The following ZNG1C variants were observed in gnomAD, a reference collection of about 807,000 sequenced individuals.
ZNG1C encodes the protein Zn regulated GTPase metalloprotein activator 1C, also known as zinc-regulated GTPase metalloprotein activator 1C.
the ZNG1C span, among the ~76,000 whole-genome samples, chr9:68,291,698 T>C: frequency 7.4e-5 from 11 of 148,290 alleles, no homozygotes; most frequent in Admixed American, 1.4e-4. Flanking sequence ...AGTCTGCTTG[T>C]ACTTCTCTTA....
At chr9:68,247,534 A>G in the ZNG1C span, 8 of 1,490,314 alleles carry the variant, frequency 5.4e-6, no homozygotes, top group African/African-American at 5.7e-5. Flanking sequence ...TAAGATCTCC[A>G]TTATTGAGTT....
At chr9:68,281,209 C>T in the ZNG1C span, among the ~76,000 whole-genome samples, 21 of 152,322 alleles carry the variant, frequency 1.4e-4, no homozygotes, top group African/African-American at 4.6e-4. Flanking sequence ...GGATGGAGCA[C>T]GCACCCACTG....
chr9:68,249,012 A>C, the ZNG1C span: 31 of 366,800 alleles, frequency 8.5e-5, no homozygotes, highest in South Asian at 1.5e-4. Flanking sequence ...TAAACCAAAA[A>C]CTTTTTTTGG....
chr9:68,268,522 A>T, the ZNG1C span, among the ~76,000 whole-genome samples: 1 of 151,696 alleles, frequency 6.6e-6, no homozygotes, highest in Non-Finnish European at 1.5e-5. Context: ...TTTAGTGTGT[A>T]TATAGCCATT....
chr9:68,287,133 TG>T, the ZNG1C span, among the ~76,000 whole-genome samples: 1 of 149,938 alleles, frequency 6.7e-6, no homozygotes, highest in African/African-American at 2.4e-5. Flanking sequence ...GTGGCAGTTA[TG>T]ATGCCTTGTA....
At chr9:68,277,866 G>A in the ZNG1C span, among the ~76,000 whole-genome samples, 4 of 52,538 alleles carry the variant, frequency 7.6e-5, no homozygotes, top group African/African-American at 3.4e-4. Flanking sequence ...GATTGGAATA[G>A]TTTCAGAAGG....
chr9:68,256,641 G>C, the ZNG1C span, among the ~76,000 whole-genome samples: 1 of 127,650 alleles, frequency 7.8e-6, no homozygotes, highest in African/African-American at 3.0e-5. Flanking sequence ...AATTATTATG[G>C]CATCGGTAGA....
the ZNG1C span, among the ~76,000 whole-genome samples, chr9:68,278,327 G>C: frequency 2.1e-5 from 3 of 146,112 alleles, no homozygotes; most frequent in African/African-American, 5.1e-5. Context: ...TCTGATTTTA[G>C]TTATTTCTTG....
the ZNG1C span, among the ~76,000 whole-genome samples, chr9:68,280,988 A>T: frequency 8.7e-6 from 1 of 114,710 alleles, no homozygotes; most frequent in African/African-American, 3.3e-5. Context: ...AATCAGCGAG[A>T]CTCCGTGGGC....
chr9:68,249,045 T>G, the ZNG1C span: 330,818 of 468,814 alleles, frequency 0.71, 126,416 homozygotes, highest in Admixed American at 0.8. Context: ...AAAGTACTCG[T>G]TTGTCATTTT....
chr9:68,261,400 T>G, the ZNG1C span, among the ~76,000 whole-genome samples: 1 of 126,250 alleles, frequency 7.9e-6, no homozygotes, highest in Non-Finnish European at 1.6e-5. Context: ...TTCAGAGAGT[T>G]CCTTTGTTTC....
the ZNG1C span, chr9:68,285,484 CTATA>C: frequency 7.3e-6 from 1 of 137,784 alleles, no homozygotes; most frequent in African/African-American, 2.8e-5. Flanking sequence ...TGGTAACTGA[CTATA>C]TAGAAAATTT....
the ZNG1C span, chr9:68,249,114 A>G: frequency 1.6e-6 from 1 of 616,938 alleles, no homozygotes. Context: ...TGTTAATAGA[A>G]TTGGAAGTTT....
the ZNG1C span, among the ~76,000 whole-genome samples, chr9:68,293,162 G>A: frequency 5.0e-4 from 76 of 152,208 alleles, no homozygotes; most frequent in Non-Finnish European, 9.7e-4. Context: ...AATGCTAAAA[G>A]GAACTCTAAA....
the ZNG1C span, chr9:68,286,035 G>GATC: frequency 1.8e-6 from 1 of 556,338 alleles, no homozygotes; most frequent in Non-Finnish European, 3.1e-6. Flanking sequence ...ACCTCACCTT[G>GATC]ATCAGGTAAA....
chr9:68,284,937 C>T, the ZNG1C span, among the ~76,000 whole-genome samples: 1 of 148,918 alleles, frequency 6.7e-6, no homozygotes, highest in East Asian at 1.9e-4. Context: ...AAGTTTTAGG[C>T]AGTCATTGTC....
the ZNG1C span, among the ~76,000 whole-genome samples, chr9:68,294,657 T>TA: frequency 1.3e-5 from 1 of 75,984 alleles, no homozygotes; most frequent in African/African-American, 6.0e-5. Flanking sequence ...AAATGGTAAT[T>TA]AAAAAATTAC....
At chr9:68,256,233 T>C in the ZNG1C span, among the ~76,000 whole-genome samples, 20 of 148,344 alleles carry the variant, frequency 1.3e-4, no homozygotes, top group Non-Finnish European at 2.8e-4. Flanking sequence ...AATACTTTCC[T>C]TGCTGTCAGT....
At chr9:68,294,325 T>C in the ZNG1C span, among the ~76,000 whole-genome samples, 1 of 93,486 alleles carries the variant, frequency 1.1e-5, no homozygotes, top group Non-Finnish European at 2.2e-5. Context: ...TAAATGAAAT[T>C]GAAACAAAAC....
Sources: gnomAD v4.1 joint callset for allele counts (sites outside exome capture counted in the v4.1 genomes callset) on GRCh38, gnomAD v4.1.1 for gene constraint, MANE v1.5 for transcripts, NCBI Gene and HGNC (gene_info 2026-07-23, HGNC 2026-07-21) for gene names.